MED12L: variants seen among roughly 807,000 people sequenced by gnomAD.
MED12L encodes the protein mediator of RNA polymerase II transcription subunit 12-like protein.
Under a neutral mutation model 281.3 loss-of-function variants are expected in MED12L, and 60 were observed. The observed-to-expected ratio is 0.21, with a 90% CI of 0.17 to 0.26. The LOEUF (loss-of-function observed/expected upper bound fraction) is 0.26. Among genes scored for constraint, MED12L ranks in the 10% least tolerant of loss-of-function variants. The pLI is 1.00. For synonymous variants in MED12L, 974 were observed against 987.2 expected, an observed-to-expected ratio of 0.99 and a Z score of 0.25; for missense variants, 2,146 against 2,680.9, an observed-to-expected ratio of 0.80 and a Z score of 4.41.
chr3:151,092,443 C>A (rs1342027048), intron 2 of MED12L, among the ~76,000 whole-genome samples: 1 of 152,214 alleles, frequency 6.6e-6, no homozygotes, highest in Non-Finnish European at 1.5e-5. Context: ...TGGGAGTAGA[C>A]TAGGTGCTCA....
intron 31 of MED12L, among the ~76,000 whole-genome samples, chr3:151,378,872 C>T (rs1236241475): frequency 6.6e-6 from 1 of 152,186 alleles, no homozygotes; most frequent in African/African-American, 2.4e-5. Context: ...TGACTGCTTA[C>T]AGAATGGCAA....
rs566657318 is a variant in MED12L at position 151,312,990 on chromosome 3, A to C, written c.2251-37069A>C. ...GTACTCTAGTTTTTCAGATGAAAAA[A>C]CCTGAGGCTTAGAGAGAATACTTGG... On this transcript the variant is annotated intron_variant, in intron 16 of 44. Coordinates refer to ENST00000687756, the MANE Select transcript of MED12L (RefSeq NM_001393769.1). Among the ~76,000 whole-genome samples, 6 of 152,210 alleles carry C rather than the reference A, an allele frequency of 3.9e-5. No homozygotes were observed. The East Asian group carries it at 1.2e-3, about 29-fold the overall frequency.
intron 2 of MED12L, among the ~76,000 whole-genome samples, chr3:151,102,325 G>A (rs1207251073): frequency 6.6e-6 from 1 of 152,132 alleles, no homozygotes; most frequent in East Asian, 1.9e-4. Flanking sequence ...AATAAAAAGG[G>A]TGGAGGCTGA....
At chr3:151,368,769 TTTTTTTTTC>T (rs1755802369) in intron 25 of MED12L, among the ~76,000 whole-genome samples, 1 of 143,776 alleles carries the variant, frequency 7.0e-6, no homozygotes, top group Non-Finnish European at 1.5e-5. Flanking sequence ...CATTTTTTTT[TTTTTTTTTC>T]CAAGACAAAG....
chr3:151,118,976 T>C (rs1352707971), intron 3 of MED12L, among the ~76,000 whole-genome samples: 3 of 152,202 alleles, frequency 2.0e-5, no homozygotes, highest in Non-Finnish European at 4.4e-5. Context: ...TGTGAGCCAC[T>C]GTGCCCGGCC....
intron 2 of MED12L, among the ~76,000 whole-genome samples, chr3:151,098,520 G>C (rs1721015136): frequency 6.6e-6 from 1 of 152,162 alleles, no homozygotes; most frequent in Non-Finnish European, 1.5e-5. Flanking sequence ...GGTGGCTCCA[G>C]GTGTTTGTGG....
rs78136536 is a variant in MED12L at position 151,425,017 on chromosome 3, T to G, written c.6409-5282T>G. 7.5e-3 allele frequency among the ~76,000 whole-genome samples: 1,140 copies of G among 152,328 alleles called. 16 individuals carry two copies. Among genetic ancestry groups the G allele is most frequent in the African/African-American group, 0.026 (1,089 of 41,562 alleles). ...TCTGGTGCCCTTGGAACCCAGAAGA[T>G]TGCCTGGATTTTGATAAATATTTGT... On this transcript the variant is annotated intron_variant, in intron 43 of 44. Coordinates refer to ENST00000687756, the MANE Select transcript of MED12L (RefSeq NM_001393769.1).
intron 8 of MED12L, among the ~76,000 whole-genome samples, chr3:151,162,162 C>A (rs1720080887): frequency 6.6e-6 from 1 of 152,138 alleles, no homozygotes; most frequent in East Asian, 1.9e-4. Context: ...GGAGAAGGAG[C>A]AGTGTTTGAT....
At chr3:151,186,748 C>G (rs1462525453) in intron 12 of MED12L, among the ~76,000 whole-genome samples, 2 of 150,580 alleles carry the variant, frequency 1.3e-5, no homozygotes, top group Non-Finnish European at 2.9e-5. Context: ...CACTCTTTCT[C>G]ACGTCACTGT....
At chr3:151,183,106 C>T (rs1243557765) in intron 11 of MED12L, among the ~76,000 whole-genome samples, 1 of 124,396 alleles carries the variant, frequency 8.0e-6, no homozygotes, top group Non-Finnish European at 1.9e-5. Flanking sequence ...CCTCCAAGGC[C>T]CAATTTACAT....
intron 16 of MED12L, among the ~76,000 whole-genome samples, chr3:151,323,805 C>T (rs1276540606): frequency 6.6e-6 from 1 of 152,210 alleles, no homozygotes; most frequent in Non-Finnish European, 1.5e-5. Flanking sequence ...GAATGACTGG[C>T]TAAATGAACA....
At chr3:151,170,510 G>A (rs1330792075) in intron 11 of MED12L, among the ~76,000 whole-genome samples, 7 of 151,728 alleles carry the variant, frequency 4.6e-5, no homozygotes, top group African/African-American at 1.7e-4. Flanking sequence ...TCTTGACCTC[G>A]TGATCCACCC....
intron 30 of MED12L, among the ~76,000 whole-genome samples, chr3:151,377,415 T>C (rs1423078805): frequency 6.6e-6 from 1 of 152,236 alleles, no homozygotes; most frequent in Non-Finnish European, 1.5e-5. Context: ...GTTTGGTTCA[T>C]GCTTTCAGTG....
chr3:151,351,191 G>A (rs553159147), intron 17 of MED12L, among the ~76,000 whole-genome samples: 1 of 152,264 alleles, frequency 6.6e-6, no homozygotes, highest in South Asian at 2.1e-4. Context: ...GTCCACCCTA[G>A]ATCTTTACTA....
chr3:151,237,088 G>C (rs1407923779), intron 16 of MED12L, among the ~76,000 whole-genome samples: 1 of 123,428 alleles, frequency 8.1e-6, no homozygotes, highest in African/African-American at 3.2e-5. Context: ...TCGCTCTGTT[G>C]CCCAGGCTGG....
At chr3:151,158,524 CAT>C (rs991914749) in intron 6 of MED12L, among the ~76,000 whole-genome samples, 163 bp from the exon 7 acceptor site, 3 of 151,746 alleles carry the variant, frequency 2.0e-5, no homozygotes, top group Non-Finnish European at 4.4e-5. Context: ...CTATACAAAA[CAT>C]ATTAGTTATT....
intron 16 of MED12L, among the ~76,000 whole-genome samples, chr3:151,331,168 G>A (rs928325167): frequency 6.6e-6 from 1 of 152,192 alleles, no homozygotes; most frequent in Non-Finnish European, 1.5e-5. Context: ...TGTGGTAGAT[G>A]TCAAAGTGTT....
chr3:151,399,388 A>G (rs943332540), intron 39 of MED12L, among the ~76,000 whole-genome samples: 3 of 152,262 alleles, frequency 2.0e-5, no homozygotes, highest in Non-Finnish European at 4.4e-5. Context: ...AAATAAAAGC[A>G]TATCAAATGG....
At chr3:151,088,159 T>C (rs1409391011) in intron 2 of MED12L, among the ~76,000 whole-genome samples, 1 of 152,230 alleles carries the variant, frequency 6.6e-6, no homozygotes, top group Non-Finnish European at 1.5e-5. Flanking sequence ...CTAAACTGTC[T>C]TGCTTATAAA....
Sources: gnomAD v4.1 joint callset for allele counts (sites outside exome capture counted in the v4.1 genomes callset) on GRCh38, gnomAD v4.1.1 for gene constraint, MANE v1.5 for transcripts, NCBI Gene and HGNC (gene_info 2026-07-23, HGNC 2026-07-21) for gene names.